Variants in ALMS1 observed in about 807,000 individuals in gnomAD.
ALMS1 encodes centrosome-associated protein ALMS1.
In ALMS1, 271 loss-of-function variants were observed where a neutral mutation model predicts 352.2. The ratio of observed to expected loss-of-function variants is 0.77; its 90% CI spans 0.70 to 0.85. The LOEUF (loss-of-function observed/expected upper bound fraction) is 0.85, where lower values mean the gene tolerates loss of function less well. Ranked by LOEUF, ALMS1 falls within the 40% of genes least tolerant of loss-of-function variation. The pLI, the probability that ALMS1 is intolerant of heterozygous loss-of-function variation, is 0.00. For missense variants in ALMS1, 5,445 were observed against 4,870.7 expected (o/e 1.12, Z -3.51); for synonymous variants, 1,865 against 1,761.2 (o/e 1.06, Z -1.48).
intron 9 of ALMS1, among the ~76,000 whole-genome samples, chr2:73,480,469 C>G (rs539261857): frequency 2.6e-5 from 4 of 152,224 alleles, no homozygotes; most frequent in African/African-American, 4.8e-5. Flanking sequence ...TTAATCCAGT[C>G]TATAATTCTT....
intron 10 of ALMS1, among the ~76,000 whole-genome samples, chr2:73,516,703 C>G (rs1673564672): frequency 6.6e-6 from 1 of 152,182 alleles, no homozygotes; most frequent in Admixed American, 6.5e-5. Flanking sequence ...AACAGTCATG[C>G]ATTTCTTGCA....
intron 9 of ALMS1, among the ~76,000 whole-genome samples, chr2:73,477,882 T>A (rs1040476429): frequency 6.6e-6 from 1 of 152,170 alleles, no homozygotes; most frequent in Non-Finnish European, 1.5e-5. Flanking sequence ...TCCTTGGGAT[T>A]TCCTGTATGA....
intron 9 of ALMS1, among the ~76,000 whole-genome samples, chr2:73,484,563 T>A (rs1013962971): frequency 1.3e-5 from 2 of 151,526 alleles, no homozygotes; most frequent in Non-Finnish European, 2.9e-5. Flanking sequence ...TTGGAGTTGC[T>A]CTTCTCGAGG....
At chr2:73,462,259 C>T (rs1302082802) in intron 9 of ALMS1, among the ~76,000 whole-genome samples, 5 of 152,130 alleles carry the variant, frequency 3.3e-5, no homozygotes, top group East Asian at 1.9e-4. Context: ...GCGGATCTCT[C>T]GGCAGAAACC....
chr2:73,512,626 C>T lies in ALMS1; in HGVS notation c.9540-7149C>T, dbSNP rs868315407. ...AATTCTTTATTAGATTTCAGACTTG[C>T]AAATTTTTACATTGTACAAAACCAA... On this transcript the variant is annotated intron_variant, in intron 10 of 22. Coordinates refer to ENST00000613296, the MANE Select transcript of ALMS1 (RefSeq NM_001378454.1). 4.6e-5 allele frequency among the ~76,000 whole-genome samples: 7 copies of T among 152,144 alleles called. No homozygotes were observed. The Middle Eastern group carries it at 0.01, about 222-fold the overall frequency.
chr2:73,602,132 A>G (rs775774441), intron 19 of ALMS1, 53 bp from the exon 20 acceptor site: 159 of 1,549,690 alleles, frequency 1.0e-4, no homozygotes, highest in Non-Finnish European at 1.4e-4. Context: ...TATGGAGAGT[A>G]GATTGCATCA....
rs558916279 is a variant in ALMS1 at position 73,533,845 on chromosome 2, CATATT to C, written c.9782-977_9782-973del. Reference sequence around the variant, plus strand: ...TGGAGGAAGAGTAAATTGTCGCAGACATATTAATAAGCAATTTAGCAGTCAGTACT... The same window carrying C: ...TGGAGGAAGAGTAAATTGTCGCAGACAATAAGCAATTTAGCAGTCAGTACT... On this transcript the variant is annotated intron_variant, in intron 11 of 22. Coordinates refer to ENST00000613296, the MANE Select transcript of ALMS1 (RefSeq NM_001378454.1). Among the ~76,000 whole-genome samples the C allele has an allele frequency of 8.5e-5, 13 of 152,228 alleles. No individual in the cohort carries two copies. In the East Asian group the frequency reaches 2.1e-3, roughly 25 times the overall value.
At chr2:73,463,249 A>G (rs1037984451) in intron 9 of ALMS1, among the ~76,000 whole-genome samples, 3 of 152,226 alleles carry the variant, frequency 2.0e-5, no homozygotes, top group African/African-American at 7.2e-5. Flanking sequence ...ATAACAAACT[A>G]TCTCTCAGAC....
chr2:73,451,186 T>C lies in ALMS1; in HGVS notation c.4659T>C (p.Ala1553=), dbSNP rs1191872718. ...IPEEALRVSS[A]PGPADQTTGI... ...AAGAGGCTCTCAGAGTTTCTTCTGC[T>C]CCTGGACCAGCTGACCAGACAACTG... Residue 1553 remains alanine, a synonymous_variant, in exon 8 of 23, where the codon GCT becomes GCC. Transcript: ENST00000613296. 1 of 1,613,994 alleles carries C rather than the reference T, an allele frequency of 6.2e-7. No homozygotes were observed. The highest frequency in any genetic ancestry group is 8.5e-7 in the Non-Finnish European group (1 of 1,179,966).
At chr2:73,523,532 C>G (rs1218143962) in intron 11 of ALMS1, among the ~76,000 whole-genome samples, 2 of 152,074 alleles carry the variant, frequency 1.3e-5, no homozygotes, top group Non-Finnish European at 2.9e-5. Context: ...TTTGGGAGGC[C>G]GAGGAGGGTG....
chr2:73,504,733 G>A (rs1305849903), intron 10 of ALMS1, among the ~76,000 whole-genome samples: 2 of 150,976 alleles, frequency 1.3e-5, no homozygotes, highest in Non-Finnish European at 2.9e-5. Flanking sequence ...GAACATTCAT[G>A]TACTTTTTTT....
At chr2:73,593,305 A>G (rs1675471277) in intron 16 of ALMS1, among the ~76,000 whole-genome samples, 2 of 152,102 alleles carry the variant, frequency 1.3e-5, no homozygotes, top group Admixed American at 1.3e-4. Context: ...ATTCAACATC[A>G]CATGGCACGG....
At position 73,453,873 on chromosome 2, in the gene ALMS1, A is replaced by T; in HGVS notation, c.7346A>T (p.Tyr2449Phe). The change falls in exon 8 of 23, where the codon TAT becomes TTT. Residue 2449 changes from tyrosine to phenylalanine, a missense_variant. Transcript: ENST00000613296. ...VSDVLLNFFP[Y>F]VSPKTSITDS... ...GATGTTCTTCTAAACTTCTTTCCAT[A>T]TGTTTCACCCAAGACAAGTATAACA... The T allele has an allele frequency of 6.2e-7, 1 of 1,614,146 alleles. No individual in the cohort carries two copies. Among genetic ancestry groups the T allele is most frequent in the Non-Finnish European group, 8.5e-7 (1 of 1,180,016 alleles).
Position 73,451,051 on chromosome 2 carries a change from A to G in ALMS1, c.4524A>G (p.Pro1508=). Residue 1508 remains proline, a synonymous_variant, in exon 8 of 23, where the codon CCA becomes CCG. Transcript: ENST00000613296. ...ESLKVSVAPG[P]VGQTTGAPTI... is the part of the protein sequence containing the mutation. ...TGAAAGTTTCAGTTGCTCCTGGACC[A>G]GTTGGCCAGACAACTGGCGCACCAA... is the stretch of plus-strand genomic sequence containing the variant. The G allele has an allele frequency of 5.0e-6, 8 of 1,612,696 alleles. No homozygotes were observed. The highest frequency in any genetic ancestry group is 6.8e-6 in the Non-Finnish European group (8 of 1,179,658).
At chr2:73,408,536 AG>A in intron 1 of ALMS1, 85 bp from the exon 2 acceptor site, 1 of 1,423,466 alleles carries the variant, frequency 7.0e-7, no homozygotes, top group East Asian at 2.5e-5. Context: ...TAAACTGGGA[AG>A]TATGGTCTAA....
chr2:73,487,372 C>T (rs978674046), intron 9 of ALMS1, among the ~76,000 whole-genome samples: 10 of 152,108 alleles, frequency 6.6e-5, no homozygotes, highest in South Asian at 2.1e-4. Flanking sequence ...GCTGGCGCCA[C>T]GCAAGGCTGC....
intron 13 of ALMS1, among the ~76,000 whole-genome samples, chr2:73,556,639 T>TTTTTG: frequency 7.5e-6 from 1 of 133,472 alleles, no homozygotes; most frequent in African/African-American, 3.4e-5. Context: ...TTTCCTTTTT[T>TTTTTG]TTTTTGTTTT....
rs1351928364 is a variant in ALMS1 at position 73,450,941 on chromosome 2, A to G, written c.4414A>G (p.Thr1472Ala). The G allele has an allele frequency of 6.2e-7, 1 of 1,613,150 alleles. No individual in the cohort carries two copies. Among genetic ancestry groups the G allele is most frequent in the Admixed American group, 1.7e-5 (1 of 59,932 alleles). ...CCAGACGATTGGCACACCAACTGTA[A>G]CCTCCCCTTCCAGCTCATTTGGAGA... ...VDQTIGTPTVTSPSSSFGEKP... is the reference protein window; with the variant it reads ...VDQTIGTPTVASPSSSFGEKP... Residue 1472 changes from threonine (T) to alanine (A), a missense_variant, in exon 8 of 23, where the codon ACC becomes GCC. Transcript: ENST00000613296.
intron 9 of ALMS1, among the ~76,000 whole-genome samples, chr2:73,489,064 A>G (rs1672918522): frequency 1.3e-5 from 2 of 152,252 alleles, no homozygotes; most frequent in African/African-American, 2.4e-5. Flanking sequence ...TGGACAACTA[A>G]GCTGTCTTAC....
Sources: gnomAD v4.1 joint callset for allele counts (sites outside exome capture counted in the v4.1 genomes callset) on GRCh38, gnomAD v4.1.1 for gene constraint, MANE v1.5 for transcripts, NCBI Gene and HGNC (gene_info 2026-07-23, HGNC 2026-07-21) for gene names.